The following ALK variants were observed in gnomAD, a reference collection of about 807,000 sequenced individuals.
ALK encodes the protein ALK tyrosine kinase receptor.
ALK carries 74 observed loss-of-function variants against 163.1 expected under a neutral mutation model. That is an observed-to-expected ratio of 0.45 (90% CI 0.38 to 0.55). ALK has a LOEUF of 0.55. Ranked by LOEUF, ALK falls within the 20% of genes least tolerant of loss-of-function variation. The pLI is 0.00. For missense variants in ALK, 2,063 were observed against 2,105.3 expected, an observed-to-expected ratio of 0.98 and a Z score of 0.39; for synonymous variants, 960 against 843.2, an observed-to-expected ratio of 1.14 and a Z score of -2.40.
chr2:29,576,682 G>C (rs189748194), intron 3 of ALK, among the ~76,000 whole-genome samples: 1 of 152,244 alleles, frequency 6.6e-6, no homozygotes, highest in African/African-American at 2.4e-5. Context: ...AGCTACATCT[G>C]TATTTACAGC....
chr2:29,849,405 G>C (rs1665936988), intron 1 of ALK, among the ~76,000 whole-genome samples: 3 of 152,192 alleles, frequency 2.0e-5, no homozygotes, highest in Admixed American at 2.0e-4. Flanking sequence ...ACTACCCACA[G>C]AGCTGTGGCA....
At chr2:29,897,137 T>C (rs554433954) in intron 1 of ALK, among the ~76,000 whole-genome samples, 11 of 152,094 alleles carry the variant, frequency 7.2e-5, no homozygotes, top group Admixed American at 2.0e-4. Flanking sequence ...CTGGCCAACA[T>C]GGTGAAACCC....
chr2:29,919,981 G>T lies in ALK; in HGVS notation c.667+12C>A. On this transcript the variant is annotated intron_variant, in intron 1 of 28. Coordinates refer to ENST00000389048, the MANE Select transcript of ALK (RefSeq NM_004304.5). ...CACTAAATCCCGGCACACTCAGGCG[G>T]GAGCTGCTCACCAGTCCCGAAGATC... The T allele has an allele frequency of 6.2e-7, 1 of 1,612,514 alleles. No homozygotes were observed. The highest frequency in any genetic ancestry group is 8.5e-7 in the Non-Finnish European group (1 of 1,178,786).
At chr2:29,671,833 A>C (rs1417707387) in intron 3 of ALK, among the ~76,000 whole-genome samples, 6 of 152,056 alleles carry the variant, frequency 3.9e-5, no homozygotes, top group Admixed American at 3.9e-4. Context: ...TTGCTTCTAC[A>C]CCACCATTTT....
intron 6 of ALK, among the ~76,000 whole-genome samples, chr2:29,325,300 GAGT>G (rs1256695655): frequency 6.6e-6 from 1 of 152,156 alleles, no homozygotes; most frequent in Non-Finnish European, 1.5e-5. Flanking sequence ...GTGTAGTCAA[GAGT>G]ATTTTCCTAT....
chr2:29,447,496 T>A (rs1670715713), intron 4 of ALK, among the ~76,000 whole-genome samples: 1 of 152,170 alleles, frequency 6.6e-6, no homozygotes, highest in African/African-American at 2.4e-5. Context: ...TATAACTCAG[T>A]CCAAGATGAT....
chr2:29,253,430 T>A (rs893666272), intron 11 of ALK, among the ~76,000 whole-genome samples: 1 of 152,054 alleles, frequency 6.6e-6, no homozygotes, highest in Middle Eastern at 3.2e-3. Flanking sequence ...TGGATTGACA[T>A]ATTAAAAGAA....
chr2:29,748,722 G>A (rs1479584095), intron 1 of ALK, among the ~76,000 whole-genome samples: 3 of 152,020 alleles, frequency 2.0e-5, no homozygotes, highest in African/African-American at 4.8e-5. Context: ...GCGCTTAGTC[G>A]ATGGTACTTT....
At chr2:29,306,652 C>T (rs987093105) in intron 8 of ALK, among the ~76,000 whole-genome samples, 18 of 151,190 alleles carry the variant, frequency 1.2e-4, no homozygotes, top group African/African-American at 4.1e-4. Flanking sequence ...AATTAACAGT[C>T]GTGTGTGTGT....
intron 4 of ALK, among the ~76,000 whole-genome samples, chr2:29,483,814 C>G (rs193091214): frequency 9.0e-4 from 137 of 152,238 alleles, no homozygotes; most frequent in African/African-American, 3.3e-3. Context: ...TTTGGTGTTT[C>G]TCCATCTTAT....
chr2:29,569,563 T>TCC (rs869268912), intron 3 of ALK, among the ~76,000 whole-genome samples: 8 of 76,010 alleles, frequency 1.1e-4, no homozygotes, highest in Non-Finnish European at 1.8e-4. Context: ...TCCCTTTTCT[T>TCC]CCCCCCCCCT....
intron 4 of ALK, among the ~76,000 whole-genome samples, chr2:29,415,169 T>G: frequency 1.3e-5 from 2 of 149,842 alleles, no homozygotes; most frequent in East Asian, 3.9e-4. Flanking sequence ...TCTTACATGA[T>G]TCATGAGGGA....
chr2:29,456,655 A>G (rs4449092), intron 4 of ALK, among the ~76,000 whole-genome samples: 27,487 of 152,118 alleles, frequency 0.18, 2,742 homozygotes, highest in East Asian at 0.36. Flanking sequence ...GCACAATAAT[A>G]TGAATATACT....
chr2:29,546,340 A>G (rs1287642945), intron 3 of ALK, among the ~76,000 whole-genome samples: 1 of 152,234 alleles, frequency 6.6e-6, no homozygotes, highest in Non-Finnish European at 1.5e-5. Flanking sequence ...AAGCAAATAA[A>G]TAGAAAGAAA....
At chr2:29,794,898 G>A (rs1422259083) in intron 1 of ALK, among the ~76,000 whole-genome samples, 12 of 152,116 alleles carry the variant, frequency 7.9e-5, no homozygotes, top group Non-Finnish European at 1.2e-4. Context: ...AACACATGCT[G>A]TTGGAAACAT....
chr2:29,843,592 C>T (rs76735911), intron 1 of ALK, among the ~76,000 whole-genome samples: 1,917 of 152,240 alleles, frequency 0.013, 17 homozygotes, highest in Middle Eastern at 0.031. Flanking sequence ...TTCTGCCTGA[C>T]GCTGAATTCA....
At chr2:29,574,940 G>A (rs1674481035) in intron 3 of ALK, among the ~76,000 whole-genome samples, 1 of 152,310 alleles carries the variant, frequency 6.6e-6, no homozygotes, top group East Asian at 1.9e-4. Context: ...GAAACCAGGT[G>A]TTACATTATT....
chr2:29,253,995 T>A (rs902369588), intron 11 of ALK, among the ~76,000 whole-genome samples: 2 of 152,170 alleles, frequency 1.3e-5, no homozygotes, highest in African/African-American at 4.8e-5. Flanking sequence ...ATGGAGATAA[T>A]TGAATCATGG....
intron 3 of ALK, among the ~76,000 whole-genome samples, chr2:29,580,152 T>C (rs66772724): frequency 0.12 from 18,481 of 152,104 alleles, 1,498 homozygotes; most frequent in Non-Finnish European, 0.19. Flanking sequence ...ATTCTTATAT[T>C]AAGCCACAGG....
Sources: allele counts gnomAD v4.1 joint callset (sites outside exome capture counted in the v4.1 genomes callset), GRCh38; gene constraint gnomAD v4.1.1; transcripts MANE v1.5; gene names NCBI Gene and HGNC (gene_info 2026-07-23, HGNC 2026-07-21).